ANKS1B: variants seen among roughly 807,000 people sequenced by gnomAD.
ANKS1B encodes the protein ankyrin repeat and sterile alpha motif domain-containing protein 1B.
ANKS1B carries 36 observed loss-of-function variants against 148.3 expected under a neutral mutation model. The observed-to-expected ratio is 0.24, with a 90% CI of 0.19 to 0.32. ANKS1B has a LOEUF of 0.32. ANKS1B is among the 10% of genes least tolerant of loss of function. ANKS1B has a pLI of 1.00. For synonymous variants in ANKS1B, 542 were observed against 560.8 expected, an observed-to-expected ratio of 0.97 and a Z score of 0.47; for missense variants, 1,157 against 1,542.6, an observed-to-expected ratio of 0.75 and a Z score of 4.19.
chr12:99,271,404 T>C (rs1323343889), intron 12 of ANKS1B, among the ~76,000 whole-genome samples: 2 of 152,084 alleles, frequency 1.3e-5, no homozygotes, highest in African/African-American at 4.8e-5. Context: ...GTTTTGTTTA[T>C]ACCTACTGCA....
intron 11 of ANKS1B, among the ~76,000 whole-genome samples, chr12:99,417,705 A>AT (rs561500218): frequency 1.3e-5 from 2 of 151,916 alleles, no homozygotes; most frequent in Admixed American, 6.6e-5. Context: ...TTCTTTGAAC[A>AT]TTTTTTTTCA....
intron 12 of ANKS1B, chr12:99,341,107 T>C (rs1349218892): frequency 6.6e-6 from 1 of 152,162 alleles, no homozygotes; most frequent in Non-Finnish European, 1.5e-5. Flanking sequence ...AAATATAGCA[T>C]TAATTGTCTT....
Position 99,432,467 on chromosome 12 carries a change from G to C in ANKS1B, c.1575+11206C>G, listed in dbSNP as rs78746261. On this transcript the variant is annotated intron_variant, in intron 11 of 26. Transcript: ENST00000683438. ...AGCACTTTATAAAACAAGGAAGGAA[G>C]GAGGGAGGAAAAGAGAGGGATGGAA... Among the ~76,000 whole-genome samples the C allele has an allele frequency of 1.3e-3, 201 of 152,208 alleles. 1 individual carries two copies. Among genetic ancestry groups the C allele is most frequent in the African/African-American group, 4.6e-3 (192 of 41,546 alleles).
At chr12:99,420,083 G>A (rs1340642715) in intron 11 of ANKS1B, among the ~76,000 whole-genome samples, 3 of 152,106 alleles carry the variant, frequency 2.0e-5, no homozygotes, top group Non-Finnish European at 4.4e-5. Context: ...AAACTCCACA[G>A]ATGGGCAGAC....
intron 17 of ANKS1B, among the ~76,000 whole-genome samples, chr12:98,998,631 A>T (rs2099931099): frequency 6.6e-6 from 1 of 152,222 alleles, no homozygotes; most frequent in Non-Finnish European, 1.5e-5. Context: ...TTAACCATAA[A>T]AATAAGGTTA....
At chr12:99,887,234 A>G (rs558288463) in intron 1 of ANKS1B, among the ~76,000 whole-genome samples, 2 of 152,370 alleles carry the variant, frequency 1.3e-5, no homozygotes, top group African/African-American at 4.8e-5. Context: ...AGCCACATGT[A>G]GCTACAGAGC....
At chr12:99,488,274 A>C (rs1483607365) in intron 10 of ANKS1B, among the ~76,000 whole-genome samples, 1 of 152,176 alleles carries the variant, frequency 6.6e-6, no homozygotes, top group Non-Finnish European at 1.5e-5. Context: ...AATTTTAAAA[A>C]TTGCATGCAA....
intron 17 of ANKS1B, among the ~76,000 whole-genome samples, chr12:98,838,401 G>C (rs1046015227): frequency 2.0e-4 from 30 of 152,160 alleles, no homozygotes; most frequent in Admixed American, 5.2e-4. Flanking sequence ...ATTGCCGGCT[G>C]GACCAACTCC....
At chr12:99,664,890 G>A (rs193082625) in intron 8 of ANKS1B, among the ~76,000 whole-genome samples, 4 of 152,268 alleles carry the variant, frequency 2.6e-5, no homozygotes, top group Admixed American at 1.3e-4. Flanking sequence ...TTTGTTCCAC[G>A]TTAGTAAAAT....
intron 1 of ANKS1B, among the ~76,000 whole-genome samples, chr12:99,982,239 C>G (rs2095712905): frequency 6.6e-6 from 1 of 151,702 alleles, no homozygotes; most frequent in Non-Finnish European, 1.5e-5. Context: ...ACCTCTCACT[C>G]AAGATATACA....
chr12:99,840,620 G>T (rs996468064), intron 1 of ANKS1B, among the ~76,000 whole-genome samples: 1 of 152,104 alleles, frequency 6.6e-6, no homozygotes, highest in Non-Finnish European at 1.5e-5. Flanking sequence ...AACAGAATTT[G>T]CTGACAAATT....
intron 17 of ANKS1B, among the ~76,000 whole-genome samples, chr12:99,026,501 TCC>T (rs2099948848): frequency 6.6e-6 from 1 of 152,118 alleles, no homozygotes; most frequent in South Asian, 2.1e-4. Context: ...AGACAGCCCT[TCC>T]CCAGAGTAGA....
intron 19 of ANKS1B, among the ~76,000 whole-genome samples, chr12:98,811,725 G>A (rs2099097873): frequency 6.6e-6 from 1 of 152,152 alleles, no homozygotes; most frequent in East Asian, 1.9e-4. Flanking sequence ...GTAGCTGACA[G>A]GGGCAGGGCA....
At chr12:99,691,646 T>C (rs2098679926) in intron 8 of ANKS1B, among the ~76,000 whole-genome samples, 1 of 152,202 alleles carries the variant, frequency 6.6e-6, no homozygotes, top group South Asian at 2.1e-4. Context: ...CATATCACTA[T>C]GAGCATTTTG....
intron 14 of ANKS1B, among the ~76,000 whole-genome samples, chr12:99,156,520 G>A (rs2076072079): frequency 6.6e-6 from 1 of 152,268 alleles, no homozygotes; most frequent in Non-Finnish European, 1.5e-5. Context: ...ATTGACTGCA[G>A]TTCATCTAAC....
At chr12:98,879,958 T>C (rs1458038841) in intron 17 of ANKS1B, among the ~76,000 whole-genome samples, 1 of 152,026 alleles carries the variant, frequency 6.6e-6, no homozygotes, top group Non-Finnish European at 1.5e-5. Flanking sequence ...AAAAAAGGAG[T>C]TGATTACTGA....
chr12:99,798,884 T>C (rs1028581853), intron 4 of ANKS1B, among the ~76,000 whole-genome samples: 10 of 152,070 alleles, frequency 6.6e-5, no homozygotes, highest in Non-Finnish European at 1.2e-4. Context: ...CTCTTTATTC[T>C]ATCACTTTCT....
intron 15 of ANKS1B, among the ~76,000 whole-genome samples, chr12:99,144,366 T>C (rs1465171933): frequency 1.3e-5 from 2 of 152,098 alleles, no homozygotes; most frequent in African/African-American, 4.8e-5. Flanking sequence ...CAGTGTTATC[T>C]GTATATGATT....
intron 1 of ANKS1B, among the ~76,000 whole-genome samples, chr12:99,901,806 C>CT (rs58417601): frequency 0.099 from 15,108 of 152,248 alleles, 865 homozygotes; most frequent in African/African-American, 0.15. Flanking sequence ...CAACTAATGG[C>CT]TATGTGATCA....
Sources: gnomAD v4.1 joint callset for allele counts (sites outside exome capture counted in the v4.1 genomes callset) on GRCh38, gnomAD v4.1.1 for gene constraint, MANE v1.5 for transcripts, NCBI Gene and HGNC (gene_info 2026-07-23, HGNC 2026-07-21) for gene names.